The following PRIM2 variants were observed in gnomAD, a reference collection of about 807,000 sequenced individuals.
PRIM2 encodes the protein DNA primase subunit 2.
Under a neutral mutation model 67.3 loss-of-function variants are expected in PRIM2, and 39 were observed. That is an observed-to-expected ratio of 0.58 (90% CI 0.45 to 0.76). The LOEUF (loss-of-function observed/expected upper bound fraction) is 0.76. Ranked by LOEUF, PRIM2 falls within the 30% of genes least tolerant of loss-of-function variation. PRIM2 has a pLI of 0.00. For missense variants in PRIM2, 398 were observed against 598.7 expected (o/e 0.66, Z 3.50); for synonymous variants, 143 against 198.7 (o/e 0.72, Z 2.36).
At chr6:57,578,026 C>T (rs1344140495) in intron 10 of PRIM2, among the ~76,000 whole-genome samples, 1 of 152,136 alleles carries the variant, frequency 6.6e-6, no homozygotes, top group Non-Finnish European at 1.5e-5. Flanking sequence ...ATTTCTCAGT[C>T]TTTCCTTGTC....
chr6:57,448,898 G>C (rs1467972874), intron 7 of PRIM2, among the ~76,000 whole-genome samples: 17 of 152,206 alleles, frequency 1.1e-4, no homozygotes, highest in Admixed American at 5.9e-4. Context: ...TAACATTAAT[G>C]CTGGTCAGTT....
At chr6:57,462,097 A>G (rs1581931237) in intron 7 of PRIM2, among the ~76,000 whole-genome samples, 2 of 152,244 alleles carry the variant, frequency 1.3e-5, no homozygotes, top group East Asian at 3.8e-4. Context: ...GGTGATGAAG[A>G]TGAGACTTCC....
At chr6:57,477,131 C>T (rs1346375864) in intron 7 of PRIM2, among the ~76,000 whole-genome samples, 6 of 152,084 alleles carry the variant, frequency 3.9e-5, no homozygotes, top group Non-Finnish European at 5.9e-5. Context: ...GCTGGGACCC[C>T]AGGTGCTTGC....
chr6:57,386,453 A>G (rs1770155460), intron 7 of PRIM2, among the ~76,000 whole-genome samples: 1 of 151,306 alleles, frequency 6.6e-6, no homozygotes, highest in Non-Finnish European at 1.5e-5. Context: ...CGAAAGAAAG[A>G]AAGAAAGAAA....
the PRIM2 span, among the ~76,000 whole-genome samples, chr6:57,266,571 A>G: frequency 6.6e-6 from 1 of 152,232 alleles, no homozygotes; most frequent in Non-Finnish European, 1.5e-5. Flanking sequence ...ATTTCATTTA[A>G]CCATGTGGAT....
Position 57,496,559 on chromosome 6 carries a change from G to C in PRIM2, c.694-10828G>C, listed in dbSNP as rs1454755506. ...AGAAACTTCCACATAAAAAGATTTT[G>C]TGCAAGATTCATGCTTACAATAAAC... On this transcript the variant is annotated intron_variant, in intron 7 of 13. Coordinates refer to ENST00000615550, the MANE Select transcript of PRIM2 (RefSeq NM_000947.5). 5.6e-4 allele frequency among the ~76,000 whole-genome samples: 85 copies of C among 152,288 alleles called. No individual in the cohort carries two copies. The Middle Eastern group carries it at 0.024, about 43-fold the overall frequency.
At chr6:57,580,326 T>G (rs1304925853) in intron 10 of PRIM2, among the ~76,000 whole-genome samples, 7 of 152,244 alleles carry the variant, frequency 4.6e-5, no homozygotes, top group Non-Finnish European at 8.8e-5. Context: ...TTATGAGTAG[T>G]GTAGGGGAGA....
the PRIM2 span, among the ~76,000 whole-genome samples, chr6:57,254,702 C>G: frequency 9.9e-6 from 1 of 101,350 alleles, no homozygotes; most frequent in Non-Finnish European, 2.0e-5. Flanking sequence ...CTCCCCAGAC[C>G]TCCACAAACA....
In PRIM2 at chr6:57,644,296, T is replaced by C. The variant is rs1230759259; in HGVS notation, c.1300-1632T>C. ...TGCTCATGTGGTCCTGCTGCAAATA[T>C]TGCCTTTCCCCTCATCATCCCAGCT... On this transcript the variant is annotated intron_variant, in intron 13 of 13. Coordinates refer to ENST00000615550, the MANE Select transcript of PRIM2 (RefSeq NM_000947.5). Among the ~76,000 whole-genome samples the C allele has an allele frequency of 1.4e-3, 210 of 152,136 alleles. 4 individuals carry two copies. In the East Asian group the frequency reaches 0.019, roughly 14 times the overall value.
chr6:57,456,827 G>A (rs1287125578), intron 7 of PRIM2, among the ~76,000 whole-genome samples: 1 of 152,132 alleles, frequency 6.6e-6, no homozygotes, highest in Non-Finnish European at 1.5e-5. Flanking sequence ...TCTGTTGCTG[G>A]TGAGGAGCTG....
chr6:57,444,021 C>T (rs1772284936), intron 7 of PRIM2, among the ~76,000 whole-genome samples: 3 of 152,070 alleles, frequency 2.0e-5, no homozygotes, highest in Admixed American at 6.6e-5. Flanking sequence ...TTGAATAGAC[C>T]GTCCTTTTCC....
At chr6:57,492,324 C>T (rs1387484791) in intron 7 of PRIM2, among the ~76,000 whole-genome samples, 1 of 152,104 alleles carries the variant, frequency 6.6e-6, no homozygotes, top group Non-Finnish European at 1.5e-5. Flanking sequence ...GGGCAGATCA[C>T]CTGAGGTCAG....
At chr6:57,417,626 TA>T (rs1389705465) in intron 7 of PRIM2, among the ~76,000 whole-genome samples, 41 of 152,316 alleles carry the variant, frequency 2.7e-4, no homozygotes, top group African/African-American at 9.6e-4. Context: ...GCTCATCTTA[TA>T]GGGGCATAGT....
chr6:57,630,161 A>T (rs1345097985), intron 12 of PRIM2, among the ~76,000 whole-genome samples: 2 of 150,964 alleles, frequency 1.3e-5, no homozygotes, highest in Non-Finnish European at 3.0e-5. Context: ...TTACTTATTT[A>T]TAGAAACCTT....
At chr6:57,614,786 C>CT (rs1776725008) in intron 12 of PRIM2, among the ~76,000 whole-genome samples, 1 of 152,198 alleles carries the variant, frequency 6.6e-6, no homozygotes, top group Non-Finnish European at 1.5e-5. Context: ...GGAGGTGGAG[C>CT]TTGCAGTGAG....
intron 7 of PRIM2, among the ~76,000 whole-genome samples, chr6:57,386,533 A>G (rs1186746543): frequency 2.0e-5 from 3 of 151,740 alleles, no homozygotes; most frequent in African/African-American, 4.8e-5. Context: ...AATAGAAGAC[A>G]GACAGTGACT....
intron 5 of PRIM2, among the ~76,000 whole-genome samples, chr6:57,342,304 G>A (rs539934308): frequency 2.6e-5 from 4 of 152,218 alleles, no homozygotes; most frequent in African/African-American, 9.6e-5. Context: ...AATTTCTAAG[G>A]CGTTTCAATG....
rs540624590 is a variant in PRIM2, at chr6:57,407,766, G to A, written c.693+25598G>A. 2.6e-5 allele frequency among the ~76,000 whole-genome samples: 4 copies of A among 152,308 alleles called. No homozygotes were observed. The South Asian group carries it at 6.2e-4, about 24-fold the overall frequency. On this transcript the variant is annotated intron_variant, in intron 7 of 13. Coordinates refer to ENST00000615550, the MANE Select transcript of PRIM2 (RefSeq NM_000947.5). ...AGGTCAAGAGCCTCTGAACTGATTA[G>A]TTAAAGAATTGGCTTGCTGGATGAT...
At chr6:57,306,101 A>G in the PRIM2 span, among the ~76,000 whole-genome samples, 1 of 152,226 alleles carries the variant, frequency 6.6e-6, no homozygotes, top group Non-Finnish European at 1.5e-5. Context: ...CCAAGAGTGA[A>G]CAGTTTTGCT....
Sources: allele counts gnomAD v4.1 joint callset (sites outside exome capture counted in the v4.1 genomes callset), GRCh38; gene constraint gnomAD v4.1.1; transcripts MANE v1.5; gene names NCBI Gene and HGNC (gene_info 2026-07-23, HGNC 2026-07-21).